The following MAOA variants were observed in gnomAD, a reference collection of about 807,000 sequenced individuals.
MAOA encodes amine oxidase [flavin-containing] A.
MAOA carries 6 observed loss-of-function variants against 42.0 expected under a neutral mutation model. The observed-to-expected ratio is 0.14, with a 90% CI of 0.08 to 0.28. MAOA has a LOEUF of 0.28. Among genes scored for constraint, MAOA ranks in the 10% least tolerant of loss-of-function variants. The pLI is 1.00. For synonymous variants in MAOA, 140 were observed against 154.0 expected, an observed-to-expected ratio of 0.91 and a Z score of 0.67; for missense variants, 262 against 422.3, an observed-to-expected ratio of 0.62 and a Z score of 3.33.
chrX:43,688,385 A>G (rs2033504742), intron 2 of MAOA, among the ~76,000 whole-genome samples: 1 of 111,523 alleles, frequency 9.0e-6, no homozygotes, highest in Non-Finnish European at 1.9e-5. Flanking sequence ...GGTTCCAGCA[A>G]TTCTCCCGCC....
chrX:43,703,878 A>G (rs1441113087), intron 3 of MAOA, among the ~76,000 whole-genome samples: 3 of 111,692 alleles, frequency 2.7e-5, no homozygotes, highest in Non-Finnish European at 5.6e-5. Flanking sequence ...TATAAAGATC[A>G]GAGTAAGAGA....
In MAOA at chrX:43,744,643, A is replaced by G; in HGVS notation, c.*130A>G. ...ATTTAACTACCTTTGGCTTAATTCCAATCATTGTTAAAGTAAAAACAATTC... is the reference window on the plus strand; with the variant it reads ...ATTTAACTACCTTTGGCTTAATTCCGATCATTGTTAAAGTAAAAACAATTC... On this transcript the variant is annotated 3_prime_UTR_variant, in exon 15 of 15. Transcript: ENST00000338702. 5.8e-6 allele frequency: 4 copies of G among 692,028 alleles called. No homozygotes were observed. The highest frequency in any genetic ancestry group is 9.0e-6 in the Non-Finnish European group (4 of 443,254). The allele number at this position is 692,028 out of a possible 1,213,427, so 57.0% of individuals were successfully genotyped here.
intron 5 of MAOA, among the ~76,000 whole-genome samples, chrX:43,725,971 T>G (rs2033830288): frequency 8.9e-6 from 1 of 112,170 alleles, no homozygotes; most frequent in Non-Finnish European, 1.9e-5. Context: ...TTGAAAATTC[T>G]TTTCTTTAAG....
intron 9 of MAOA, among the ~76,000 whole-genome samples, 180 bp from the exon 10 acceptor site, chrX:43,736,047 G>C (rs1473099330): frequency 9.1e-6 from 1 of 110,118 alleles, no homozygotes; most frequent in Non-Finnish European, 1.9e-5. Context: ...CAGCCTAGCA[G>C]GGGTTTTGGA....
intron 3 of MAOA, among the ~76,000 whole-genome samples, chrX:43,694,894 A>G (rs1052388767): frequency 1.8e-5 from 2 of 112,148 alleles, no homozygotes; most frequent in South Asian, 3.7e-4. Flanking sequence ...ATTCATGCTG[A>G]TAAGATTCAG....
At chrX:43,717,398 CAGAGGAATAGGGG>C (rs911716228) in intron 5 of MAOA, among the ~76,000 whole-genome samples, 2 of 110,950 alleles carry the variant, frequency 1.8e-5, no homozygotes, top group Non-Finnish European at 3.8e-5. Context: ...AAGAATTACC[CAGAGGAATAGGGG>C]AGAGACAGGA....
intron 1 of MAOA, among the ~76,000 whole-genome samples, chrX:43,682,730 A>T (rs147126872): frequency 0.03 from 3,319 of 111,580 alleles, 60 homozygotes; most frequent in Non-Finnish European, 0.048. Context: ...GAAAAAGAAT[A>T]ACTATAGTGG....
chrX:43,742,295 T>A (rs2033966003), intron 12 of MAOA, among the ~76,000 whole-genome samples: 1 of 112,503 alleles, frequency 8.9e-6, no homozygotes, highest in Non-Finnish European at 1.9e-5. Context: ...CTTGTGAGAA[T>A]GAAGCAAGCT....
upstream of MAOA, chrX:43,656,216 C>A: frequency 1.7e-6 from 1 of 595,266 alleles, no homozygotes; most frequent in South Asian, 2.5e-5. Context: ...GCCCGGCTCC[C>A]CCCGGGTATC....
At chrX:43,674,863 T>A (rs2033377624) in intron 1 of MAOA, among the ~76,000 whole-genome samples, 2 of 110,534 alleles carry the variant, frequency 1.8e-5, no homozygotes, top group Non-Finnish European at 3.8e-5. Context: ...GACCTTTCTC[T>A]CTGGCTGCCC....
chrX:43,709,466 G>A (rs2033683515), intron 3 of MAOA, among the ~76,000 whole-genome samples: 1 of 111,154 alleles, frequency 9.0e-6, no homozygotes, highest in Non-Finnish European at 1.9e-5. Context: ...CTGGAGTGCA[G>A]TGGTGCAATC....
intron 5 of MAOA, 103 bp from the exon 6 acceptor site, chrX:43,728,066 TGCAA>T: frequency 1.3e-6 from 1 of 795,513 alleles, no homozygotes; most frequent in African/African-American, 2.0e-5. Flanking sequence ...TTTTTTCAAT[TGCAA>T]CAGAAAAACT....
chrX:43,705,970 T>C lies in MAOA; in HGVS notation c.307-5902T>C, dbSNP rs139270101. Among the ~76,000 whole-genome samples, 1,088 of 112,443 alleles carry C rather than the reference T, an allele frequency of 9.7e-3. 27 individuals are homozygous for C. Among genetic ancestry groups the C allele is most frequent in the East Asian group, 0.063 (224 of 3,563 alleles). On this transcript the variant is annotated intron_variant, in intron 3 of 14. Coordinates refer to ENST00000338702, the MANE Select transcript of MAOA (RefSeq NM_000240.4). ...AAAAGGCAGACATTAATAAGTGTTG[T>C]GCAGGATGGGGCGACATTGGAAACC...
At chrX:43,690,351 A>G (rs2033523038) in intron 2 of MAOA, among the ~76,000 whole-genome samples, 1 of 111,028 alleles carries the variant, frequency 9.0e-6, no homozygotes, top group Non-Finnish European at 1.9e-5. Context: ...TTTAATTAGT[A>G]CATTTTTATT....
intron 3 of MAOA, among the ~76,000 whole-genome samples, chrX:43,694,343 T>C (rs1412648122): frequency 8.9e-6 from 1 of 112,130 alleles, no homozygotes; most frequent in Non-Finnish European, 1.9e-5. Context: ...TTGAGGATAC[T>C]TGTGACATAT....
intron 1 of MAOA, among the ~76,000 whole-genome samples, chrX:43,665,063 A>G (rs1381466144): frequency 1.8e-5 from 2 of 111,844 alleles, no homozygotes; most frequent in Non-Finnish European, 3.8e-5. Flanking sequence ...AAAGAGAAAG[A>G]ACTAGGCAGG....
At chrX:43,716,939 A>G (rs778057974) in intron 5 of MAOA, among the ~76,000 whole-genome samples, 23 of 110,757 alleles carry the variant, frequency 2.1e-4, no homozygotes, top group East Asian at 5.7e-4. Context: ...GAGTGACTCA[A>G]AGGGTTGGGG....
intron 1 of MAOA, among the ~76,000 whole-genome samples, chrX:43,675,739 G>A (rs1318342582): frequency 8.9e-6 from 1 of 112,325 alleles, no homozygotes; most frequent in Non-Finnish European, 1.9e-5. Flanking sequence ...ATCAGCAGCA[G>A]TGGCTGCAGA....
chrX:43,705,623 G>C (rs987558335), intron 3 of MAOA, among the ~76,000 whole-genome samples: 3 of 112,167 alleles, frequency 2.7e-5, no homozygotes, highest in Non-Finnish European at 5.6e-5. Flanking sequence ...ATCAAAAAAA[G>C]TTTTTGAAGT....
Sources: gnomAD v4.1 joint callset for allele counts (sites outside exome capture counted in the v4.1 genomes callset) on GRCh38, gnomAD v4.1.1 for gene constraint, MANE v1.5 for transcripts, NCBI Gene and HGNC (gene_info 2026-07-23, HGNC 2026-07-21) for gene names.